Variants in FAAH2 observed in about 807,000 individuals in gnomAD.
FAAH2 encodes fatty acid amide hydrolase 2, also known as fatty-acid amide hydrolase 2.
FAAH2 carries 60 observed loss-of-function variants against 36.9 expected under a neutral mutation model. The ratio of observed to expected loss-of-function variants is 1.63; its 90% CI spans 1.32 to 2.02. FAAH2 has a LOEUF of 2.02. Among genes scored for constraint, FAAH2 ranks in the 30% most tolerant of loss-of-function variants. The pLI, the probability that FAAH2 is intolerant of heterozygous loss-of-function variation, is 0.00. For missense variants in FAAH2, 689 were observed against 397.5 expected, an observed-to-expected ratio of 1.73 and a Z score of -6.23; for synonymous variants, 214 against 143.8, an observed-to-expected ratio of 1.49 and a Z score of -3.49.
rs747170607 is a variant in FAAH2, at chrX:57,384,233, C to G, written c.996+3204C>G. Among the ~76,000 whole-genome samples the G allele has an allele frequency of 6.5e-5, 7 of 107,256 alleles. 1 individual carries two copies. The Admixed American group carries it at 7.1e-4, about 11-fold the overall frequency. The allele number at this position is 107,256 out of a possible 115,157, so 93.1% of individuals were successfully genotyped here. ...AACCATAAAAACCCTAGAAGAAAACCTAGGCAATACCATTCAGGACATAGG... is the reference window on the plus strand; with the variant it reads ...AACCATAAAAACCCTAGAAGAAAACGTAGGCAATACCATTCAGGACATAGG... On this transcript the variant is annotated intron_variant, in intron 7 of 10. Coordinates refer to ENST00000374900, the MANE Select transcript of FAAH2 (RefSeq NM_174912.4).
the FAAH2 span, among the ~76,000 whole-genome samples, chrX:57,278,193 C>G: frequency 9.0e-6 from 1 of 111,492 alleles, no homozygotes; most frequent in Non-Finnish European, 1.9e-5. Context: ...CTAGAGCATC[C>G]AAAACAGCAT....
At chrX:57,334,881 C>A (rs192860036) in intron 4 of FAAH2, among the ~76,000 whole-genome samples, 124 of 111,219 alleles carry the variant, frequency 1.1e-3, no homozygotes, top group Middle Eastern at 4.6e-3. Context: ...AGAGACTTAG[C>A]CTCCCACACA....
At chrX:57,438,226 T>C (rs2056458197) in intron 8 of FAAH2, among the ~76,000 whole-genome samples, 1 of 83,731 alleles carries the variant, frequency 1.2e-5, no homozygotes, top group Non-Finnish European at 2.3e-5. Context: ...TATATATCAG[T>C]ATATATATCA....
chrX:57,236,549 A>T, the FAAH2 span, among the ~76,000 whole-genome samples: 1 of 111,974 alleles, frequency 8.9e-6, no homozygotes, highest in African/African-American at 3.2e-5. Context: ...AAAAGTGAGG[A>T]GATATCTCAT....
At chrX:57,300,022 C>G (rs2052294110) in intron 2 of FAAH2, among the ~76,000 whole-genome samples, 1 of 111,392 alleles carries the variant, frequency 9.0e-6, no homozygotes. Context: ...ATGAAAATGG[C>G]CATACTGCCC....
intron 7 of FAAH2, among the ~76,000 whole-genome samples, chrX:57,428,697 A>C (rs749107812): frequency 5.4e-5 from 6 of 112,100 alleles, no homozygotes; most frequent in Non-Finnish European, 1.1e-4. Context: ...ACACAGAAGA[A>C]TAAATATGGA....
At chrX:57,328,213 G>A (rs1235059830) in intron 3 of FAAH2, among the ~76,000 whole-genome samples, 1 of 111,429 alleles carries the variant, frequency 9.0e-6, no homozygotes, top group Non-Finnish European at 1.9e-5. Context: ...TTGTCTCAGA[G>A]GAGTACCTGG....
Position 57,380,931 on chromosome X carries a change from G to A in FAAH2, c.898G>A (p.Val300Ile). The A allele has an allele frequency of 8.4e-7, 1 of 1,186,576 alleles. No individual in the cohort carries two copies. Among genetic ancestry groups the A allele is most frequent in the Non-Finnish European group, 1.1e-6 (1 of 880,381 alleles). Residue 300 changes from valine to isoleucine, a missense_variant, in exon 7 of 11, where the codon GTA (valine) becomes ATA (isoleucine). Physicochemically the swap from Val to Ile is conservative, Grantham distance 29 (BLOSUM62 3). Coordinates refer to ENST00000374900, the MANE Select transcript of FAAH2 (RefSeq NM_174912.4). The part of the protein sequence containing the change: ...GIKRLKLDTK[V>I]HLKDLKFYWM... Reference sequence around the variant, plus strand: ...ACACAGGTTAAAACTAGACACAAAGGTACATTTAAAAGACTTAAAATTTTA... The same window carrying A: ...ACACAGGTTAAAACTAGACACAAAGATACATTTAAAAGACTTAAAATTTTA...
chrX:57,466,950 A>G (rs944991103), intron 10 of FAAH2, among the ~76,000 whole-genome samples: 15 of 111,603 alleles, frequency 1.3e-4, no homozygotes, highest in African/African-American at 4.6e-4. Context: ...TTAATAATCA[A>G]GATTTGTACA....
chrX:57,418,365 C>A (rs760887216), intron 7 of FAAH2, among the ~76,000 whole-genome samples: 1 of 111,651 alleles, frequency 9.0e-6, no homozygotes, highest in East Asian at 2.8e-4. Flanking sequence ...GGTGTAGGCA[C>A]CTGAGGGAAT....
At chrX:57,194,764 G>T in the FAAH2 span, among the ~76,000 whole-genome samples, 1 of 110,505 alleles carries the variant, frequency 9.0e-6, no homozygotes. Flanking sequence ...AGTACCCAAA[G>T]TCTATTGTGT....
upstream of FAAH2, among the ~76,000 whole-genome samples, chrX:57,285,184 G>A (rs1449801539): frequency 3.6e-5 from 4 of 111,839 alleles, no homozygotes; most frequent in Non-Finnish European, 7.5e-5. Flanking sequence ...TTTCTACCAG[G>A]TGCTTGAATT....
the FAAH2 span, among the ~76,000 whole-genome samples, chrX:57,130,553 A>G: frequency 8.9e-6 from 1 of 112,195 alleles, no homozygotes; most frequent in African/African-American, 3.2e-5. Context: ...ATTTTATTCA[A>G]CATTTTAAAG....
chrX:57,201,353 G>T, the FAAH2 span, among the ~76,000 whole-genome samples: 2,797 of 110,215 alleles, frequency 0.025, 105 homozygotes, highest in African/African-American at 0.087. Flanking sequence ...GGGAGGTGGA[G>T]TCTGCAGTGA....
chrX:57,123,625 T>G, the FAAH2 span, among the ~76,000 whole-genome samples: 2 of 112,294 alleles, frequency 1.8e-5, no homozygotes, highest in Non-Finnish European at 3.8e-5. Context: ...ACCAACAGTG[T>G]AAAAGTGTTC....
chrX:57,389,694 C>A (rs1463954534), intron 7 of FAAH2, among the ~76,000 whole-genome samples: 1 of 110,657 alleles, frequency 9.0e-6, no homozygotes, highest in Non-Finnish European at 1.9e-5. Flanking sequence ...ATTGCAGTTA[C>A]TTCTTAGAGA....
chrX:57,265,853 C>T, the FAAH2 span, among the ~76,000 whole-genome samples: 2 of 111,587 alleles, frequency 1.8e-5, no homozygotes, highest in Non-Finnish European at 3.8e-5. Context: ...GGCCATACTG[C>T]TTTTTTACGT....
the FAAH2 span, among the ~76,000 whole-genome samples, chrX:57,165,185 A>G: frequency 8.9e-6 from 1 of 112,184 alleles, no homozygotes; most frequent in African/African-American, 3.2e-5. Flanking sequence ...CCATCCCATT[A>G]CTGGGTATAT....
chrX:57,252,002 G>T, the FAAH2 span, among the ~76,000 whole-genome samples: 1 of 112,365 alleles, frequency 8.9e-6, no homozygotes. Context: ...CTTTCCAAAT[G>T]CTGTGCTTTT....
Sources: gnomAD v4.1 joint callset for allele counts (sites outside exome capture counted in the v4.1 genomes callset) on GRCh38, gnomAD v4.1.1 for gene constraint, MANE v1.5 for transcripts, NCBI Gene and HGNC (gene_info 2026-07-23, HGNC 2026-07-21) for gene names.